The following PHTF2 variants were observed in gnomAD, a reference collection of about 807,000 sequenced individuals.
The protein encoded by PHTF2 is protein PHTF2.
Under a neutral mutation model 101.2 loss-of-function variants are expected in PHTF2, and 60 were observed. That is an observed-to-expected ratio of 0.59 (90% CI 0.48 to 0.73). The LOEUF is 0.73. Among genes scored for constraint, PHTF2 ranks in the 30% least tolerant of loss-of-function variants. The pLI is 0.00. For missense variants in PHTF2, 747 were observed against 908.7 expected (o/e 0.82, Z 2.29); for synonymous variants, 311 against 307.3 (o/e 1.01, Z -0.13).
chr7:77,900,922 G>A, intron 6 of PHTF2, 142 bp downstream of exon 5: 2 of 583,800 alleles, frequency 3.4e-6, no homozygotes, highest in East Asian at 3.0e-5. Context: ...TAAGAAAAGA[G>A]GCTTAATTGG....
intron 11 of PHTF2, chr7:77,924,098 A>T: frequency 6.2e-6 from 6 of 963,836 alleles, no homozygotes; most frequent in African/African-American, 1.8e-5. Flanking sequence ...GTTCTCAAAA[A>T]TTTTTACTCT....
intron 3 of PHTF2, among the ~76,000 whole-genome samples, chr7:77,891,224 C>A (rs1305346382): frequency 6.6e-6 from 1 of 152,118 alleles, no homozygotes; most frequent in Non-Finnish European, 1.5e-5. Context: ...AAATAAATTA[C>A]TGCACCTGGC....
intron 17 of PHTF2, among the ~76,000 whole-genome samples, chr7:77,951,396 G>A (rs1806531358): frequency 6.6e-6 from 1 of 151,988 alleles, no homozygotes; most frequent in African/African-American, 2.4e-5. Context: ...ATGCCATCCA[G>A]TCTTTTTTAT....
At chr7:77,892,793 A>G (rs2150797433) in intron 3 of PHTF2, among the ~76,000 whole-genome samples, 1 of 152,364 alleles carries the variant, frequency 6.6e-6, no homozygotes, top group South Asian at 2.1e-4. Flanking sequence ...GCATCTAAGA[A>G]TAATAAAAAT....
At chr7:77,847,785 A>C (rs796961791) in intron 2 of PHTF2, among the ~76,000 whole-genome samples, 2 of 152,206 alleles carry the variant, frequency 1.3e-5, no homozygotes, top group African/African-American at 4.8e-5. Flanking sequence ...CTGTTATGCT[A>C]TCAAGTACTG....
chr7:77,811,195 C>T (rs1038555491), intron 1 of PHTF2, among the ~76,000 whole-genome samples: 2 of 152,250 alleles, frequency 1.3e-5, no homozygotes, highest in African/African-American at 2.4e-5. Flanking sequence ...AGCCACTGCA[C>T]CTGGCCCTGG....
At chr7:77,951,485 G>T in intron 17 of PHTF2, 132 bp from the exon 17 acceptor site, 1 of 389,718 alleles carries the variant, frequency 2.6e-6, no homozygotes, top group Non-Finnish European at 4.7e-6. Context: ...TAGGAAATTT[G>T]GAATATATAG....
intron 3 of PHTF2, among the ~76,000 whole-genome samples, chr7:77,882,355 T>C (rs1799489792): frequency 6.9e-6 from 1 of 145,264 alleles, no homozygotes; most frequent in Non-Finnish European, 1.5e-5. Context: ...ATTTCAAATC[T>C]TAAAAAAAAA....
intron 9 of PHTF2, among the ~76,000 whole-genome samples, chr7:77,918,590 G>A (rs184836123): frequency 4.4e-4 from 67 of 152,226 alleles, no homozygotes; most frequent in African/African-American, 1.5e-3. Context: ...ACATCTGCAG[G>A]TTGCACAGTG....
In PHTF2 at chr7:77,833,659, C is replaced by A. The variant is rs1795231262; in HGVS notation, c.-35-6562C>A. On this transcript the variant is annotated intron_variant, in intron 1 of 19. Coordinates refer to ENST00000416283, the Ensembl canonical transcript of PHTF2. ...ATGCAACTTTTTGTGTGATATACTT[C>A]TCAGCAGGATGTGCATGAGGATATG... Among the ~76,000 whole-genome samples the A allele has an allele frequency of 1.3e-5, 2 of 152,066 alleles. 1 individual carries two copies. The highest frequency in any genetic ancestry group is 4.1e-4 in the South Asian group (2 of 4,822).
At chr7:77,922,649 C>G (rs767753495) in exon 11 of PHTF2, 38 of 1,610,578 alleles carry the variant, frequency 2.4e-5, no homozygotes, top group Non-Finnish European at 3.1e-5. Context: ...TAACAAATGT[C>G]TCTGATGAAG....
chr7:77,952,622 G>A lies in PHTF2; in HGVS notation c.2211+910G>A, dbSNP rs185299167. On this transcript the variant is annotated intron_variant, in intron 18 of 19. Coordinates refer to ENST00000416283, the Ensembl canonical transcript of PHTF2. ...AAATATCTTGAATTAATAGTTTTGT[G>A]TTTGCTTGACACATGTATATTGCCT... is the stretch of plus-strand genomic sequence containing the variant. Among the ~76,000 whole-genome samples the A allele has an allele frequency of 4.5e-4, 69 of 152,288 alleles. No homozygotes were observed. In the East Asian group the frequency reaches 0.013, roughly 29 times the overall value.
At chr7:77,815,486 A>G (rs1026261448) in intron 1 of PHTF2, among the ~76,000 whole-genome samples, 28 of 152,376 alleles carry the variant, frequency 1.8e-4, no homozygotes, top group South Asian at 4.1e-4. Context: ...TGTAGTTTTT[A>G]TCAAAGTTCT....
intron 3 of PHTF2, among the ~76,000 whole-genome samples, chr7:77,861,186 AAC>A (rs1454410358): frequency 2.0e-5 from 3 of 151,618 alleles, no homozygotes; most frequent in Non-Finnish European, 4.4e-5. Context: ...TTTAATTTCT[AAC>A]ACAATTTTTT....
intron 2 of PHTF2, among the ~76,000 whole-genome samples, chr7:77,849,059 T>C (rs760396319): frequency 2.6e-5 from 4 of 152,114 alleles, no homozygotes; most frequent in African/African-American, 7.2e-5. Context: ...GTTTCTGGGC[T>C]TCTATTGTGT....
chr7:77,816,520 G>A (rs1042936889), intron 1 of PHTF2, among the ~76,000 whole-genome samples: 1 of 152,176 alleles, frequency 6.6e-6, no homozygotes, highest in Non-Finnish European at 1.5e-5. Flanking sequence ...GGTACATAAT[G>A]ATGTTTCAGT....
intron 11 of PHTF2, among the ~76,000 whole-genome samples, chr7:77,924,837 G>C (rs1446202081): frequency 6.6e-6 from 1 of 152,176 alleles, no homozygotes; most frequent in Non-Finnish European, 1.5e-5. Flanking sequence ...AACTGGGGAT[G>C]AGATGGGGAT....
At chr7:77,950,701 C>T (rs1806461288) in intron 17 of PHTF2, among the ~76,000 whole-genome samples, 1 of 152,166 alleles carries the variant, frequency 6.6e-6, no homozygotes, top group African/African-American at 2.4e-5. Context: ...AAATCAACCA[C>T]TTCCTCCAAC....
At chr7:77,852,886 C>G (rs1195786703) in intron 2 of PHTF2, among the ~76,000 whole-genome samples, 1 of 152,160 alleles carries the variant, frequency 6.6e-6, no homozygotes, top group Non-Finnish European at 1.5e-5. Context: ...TCCGTCAGCA[C>G]TTTAAATATG....
Sources: allele counts gnomAD v4.1 joint callset (sites outside exome capture counted in the v4.1 genomes callset), GRCh38; gene constraint gnomAD v4.1.1; transcripts MANE v1.5; gene names NCBI Gene and HGNC (gene_info 2026-07-23, HGNC 2026-07-21).